RBM6: variants seen among roughly 807,000 people sequenced by gnomAD.
RBM6 encodes RNA-binding protein 6.
In RBM6, 23 loss-of-function variants were observed where a neutral mutation model predicts 140.4. The observed-to-expected ratio is 0.16, with a 90% CI of 0.12 to 0.23. The LOEUF (loss-of-function observed/expected upper bound fraction) is 0.23. Ranked by LOEUF, RBM6 falls within the 10% of genes least tolerant of loss-of-function variation. The pLI is 1.00. For synonymous variants in RBM6, 439 were observed against 475.6 expected (o/e 0.92, Z 1.00); for missense variants, 1,139 against 1,386.7 (o/e 0.82, Z 2.84).
At chr3:50,070,858 A>G (rs1164599856) in intron 19 of RBM6, among the ~76,000 whole-genome samples, 4 of 151,968 alleles carry the variant, frequency 2.6e-5, no homozygotes, top group Non-Finnish European at 5.9e-5. Context: ...AGAATGTCAC[A>G]CTCTTGGGCT....
At chr3:50,053,256 G>A (rs1349198269) in intron 7 of RBM6, among the ~76,000 whole-genome samples, 1 of 152,104 alleles carries the variant, frequency 6.6e-6, no homozygotes, top group Admixed American at 6.6e-5. Flanking sequence ...AGCCGGCTGG[G>A]CGCAGTGACT....
chr3:50,025,464 G>A (rs1018275830), intron 6 of RBM6, among the ~76,000 whole-genome samples: 3 of 151,032 alleles, frequency 2.0e-5, no homozygotes, highest in Admixed American at 6.7e-5. Context: ...ATTTCTCTTG[G>A]CGAATAGGTA....
intron 1 of RBM6, among the ~76,000 whole-genome samples, chr3:49,950,574 G>A (rs910147831): frequency 6.6e-6 from 1 of 152,062 alleles, no homozygotes; most frequent in African/African-American, 2.4e-5. Flanking sequence ...GGCCAACATG[G>A]TGAAACCCCG....
chr3:49,990,913 A>G (rs1426119791), intron 5 of RBM6, among the ~76,000 whole-genome samples: 1 of 152,210 alleles, frequency 6.6e-6, no homozygotes, highest in Non-Finnish European at 1.5e-5. Flanking sequence ...GATACCAGGT[A>G]ATTCTGATAC....
At chr3:50,029,656 C>G (rs1291810404) in intron 6 of RBM6, among the ~76,000 whole-genome samples, 1 of 152,066 alleles carries the variant, frequency 6.6e-6, no homozygotes, top group Non-Finnish European at 1.5e-5. Flanking sequence ...TCACTTGAAC[C>G]CAGGAGGCAG....
At chr3:50,057,405 G>A (rs887321034) in intron 8 of RBM6, among the ~76,000 whole-genome samples, 3 of 151,988 alleles carry the variant, frequency 2.0e-5, no homozygotes, top group East Asian at 1.9e-4. Context: ...TGGCCAACAT[G>A]GTGAAACCTC....
chr3:50,070,362 A>T (rs1575881113), intron 18 of RBM6, 93 bp from the exon 19 acceptor site: 3 of 943,182 alleles, frequency 3.2e-6, no homozygotes, highest in East Asian at 2.5e-5. Context: ...CTCAAGAAAA[A>T]AATAATAATA....
chr3:50,040,493 T>TATATATAC (rs749096137), intron 6 of RBM6, among the ~76,000 whole-genome samples: 60 of 85,834 alleles, frequency 7.0e-4, no homozygotes, highest in South Asian at 1.3e-3. Flanking sequence ...TATATATATA[T>TATATATAC]ACACACACAC....
intron 6 of RBM6, among the ~76,000 whole-genome samples, chr3:50,013,906 G>C (rs556427738): frequency 2.3e-4 from 35 of 152,264 alleles, no homozygotes; most frequent in African/African-American, 8.2e-4. Context: ...GCAATGTCTG[G>C]AGACATTTTT....
In RBM6 at chr3:50,063,607, A is replaced by G. The variant is rs142610496; in HGVS notation, c.2587-1424A>G. 9.1e-3 allele frequency among the ~76,000 whole-genome samples: 1,377 copies of G among 152,096 alleles called. 14 individuals are homozygous for G. Among genetic ancestry groups the G allele is most frequent in the Non-Finnish European group, 0.015 (1,044 of 67,970 alleles). Reference sequence around the variant, plus strand: ...GCCAGACTTGTCTCAAAAAAAAAAAAAAAAGAAAATCTGCCGGGCATGGTG... The same window carrying G: ...GCCAGACTTGTCTCAAAAAAAAAAAGAAAAGAAAATCTGCCGGGCATGGTG... On this transcript the variant is annotated intron_variant, in intron 15 of 20. Transcript: ENST00000266022.
chr3:50,054,241 TG>T, intron 7 of RBM6, 93 bp from the exon 8 acceptor site: 7 of 1,014,962 alleles, frequency 6.9e-6, no homozygotes, highest in Admixed American at 3.6e-5. Context: ...GGATATGGCT[TG>T]TTTCTTTCAT....
At chr3:49,953,672 A>AC (rs2083841152) in intron 1 of RBM6, among the ~76,000 whole-genome samples, 1 of 151,828 alleles carries the variant, frequency 6.6e-6, no homozygotes, top group Admixed American at 6.6e-5. Context: ...GGCATGTGCT[A>AC]CCACGCCTGG....
intron 3 of RBM6, among the ~76,000 whole-genome samples, chr3:49,971,255 G>A (rs1235482892): frequency 1.5e-5 from 2 of 132,860 alleles, no homozygotes; most frequent in Non-Finnish European, 1.6e-5. Flanking sequence ...CAGCAAGAGC[G>A]AAACTCCATC....
intron 6 of RBM6, among the ~76,000 whole-genome samples, chr3:50,037,043 CA>C (rs2088584462): frequency 6.6e-6 from 1 of 152,014 alleles, no homozygotes; most frequent in Non-Finnish European, 1.5e-5. Context: ...CTTGGCCTCC[CA>C]AAAAGCTTCC....
intron 14 of RBM6, 37 bp downstream of exon 14, chr3:50,061,584 T>A (rs773530089): frequency 1.9e-4 from 239 of 1,283,238 alleles, no homozygotes; most frequent in African/African-American, 8.1e-4. Flanking sequence ...TTTTTTTTTT[T>A]ACCTCTGTCA....
In RBM6 at chr3:49,968,161, G is replaced by A; in HGVS notation, c.736G>A (p.Asp246Asn). 6.2e-7 allele frequency: 1 copy of A among 1,614,182 alleles called. No individual in the cohort carries two copies. The highest frequency in any genetic ancestry group is 8.5e-7 in the Non-Finnish European group (1 of 1,180,046). ...RGRGSGTTDL[D>N]FRDRDTPHSD... is the part of the protein sequence containing the mutation. ...CCGAGGTTCAGGTACTACTGATCTA[G>A]ACTTTAGGGACAGGGATACGCCACA... is the stretch of plus-strand genomic sequence containing the variant. Residue 246 changes from aspartate (D) to asparagine (N), a missense_variant, in exon 3 of 21, where the codon GAC becomes AAC. By Grantham distance (23) the Asp-to-Asn change is conservative. This residue lies in a region of RBM6 where 566 missense variants were observed against 612.7 expected (regional missense o/e 0.92). Transcript: ENST00000266022.
At chr3:50,069,039 A>G (rs2090205740) in intron 18 of RBM6, among the ~76,000 whole-genome samples, 1 of 152,212 alleles carries the variant, frequency 6.6e-6, no homozygotes, top group African/African-American at 2.4e-5. Flanking sequence ...TAGCTTTTAA[A>G]TTAGTTGAGT....
intron 6 of RBM6, among the ~76,000 whole-genome samples, chr3:50,043,781 A>G (rs2089065833): frequency 6.6e-6 from 1 of 151,374 alleles, no homozygotes; most frequent in Non-Finnish European, 1.5e-5. Context: ...ACGGGATTTC[A>G]CCATGTTGGC....
chr3:50,005,060 G>A (rs1024341521), intron 6 of RBM6, among the ~76,000 whole-genome samples: 1 of 152,218 alleles, frequency 6.6e-6, no homozygotes, highest in Non-Finnish European at 1.5e-5. Flanking sequence ...TGTGGAATAC[G>A]TGAAGTTTTA....
Sources: gnomAD v4.1 joint callset for allele counts (sites outside exome capture counted in the v4.1 genomes callset) on GRCh38, gnomAD v4.1.1 for gene constraint, gnomAD v4.1.1 regional missense constraint, MANE v1.5 for transcripts, NCBI Gene and HGNC (gene_info 2026-07-23, HGNC 2026-07-21) for gene names.